Variants in PTPRD observed in about 807,000 individuals in gnomAD.
PTPRD encodes receptor-type tyrosine-protein phosphatase delta.
PTPRD carries 34 observed loss-of-function variants against 214.5 expected under a neutral mutation model. That is an observed-to-expected ratio of 0.16 (90% CI 0.12 to 0.21). PTPRD has a LOEUF of 0.21. Among genes scored for constraint, PTPRD ranks in the 10% least tolerant of loss-of-function variants. The pLI is 1.00. For missense variants in PTPRD, 2,545 were observed against 2,398.7 expected (o/e 1.06, Z -1.27); for synonymous variants, 1,128 against 845.7 (o/e 1.33, Z -5.79).
chr9:10,477,753 G>A (rs1228835962), intron 2 of PTPRD, among the ~76,000 whole-genome samples: 1 of 152,030 alleles, frequency 6.6e-6, no homozygotes, highest in Non-Finnish European at 1.5e-5. Context: ...GTGATACACT[G>A]GATAAAGATA....
At chr9:8,929,908 T>C (rs1219506866) in intron 11 of PTPRD, among the ~76,000 whole-genome samples, 28 of 44,560 alleles carry the variant, frequency 6.3e-4, no homozygotes, top group Middle Eastern at 0.011. Context: ...TGTGTATATA[T>C]ATGTGTGTGT....
chr9:9,171,791 G>A (rs907594001), intron 10 of PTPRD, among the ~76,000 whole-genome samples: 2 of 151,970 alleles, frequency 1.3e-5, no homozygotes, highest in East Asian at 1.9e-4. Flanking sequence ...TCTTGGCATG[G>A]ATTCTATAAT....
intron 9 of PTPRD, among the ~76,000 whole-genome samples, chr9:9,228,807 T>G (rs959520375): frequency 6.6e-6 from 1 of 152,122 alleles, no homozygotes; most frequent in Admixed American, 6.6e-5. Flanking sequence ...TTGTCTTGCC[T>G]TCGTTTTTTG....
At chr9:8,809,438 C>T (rs2154522049) in intron 11 of PTPRD, among the ~76,000 whole-genome samples, 1 of 152,208 alleles carries the variant, frequency 6.6e-6, no homozygotes, top group South Asian at 2.1e-4. Flanking sequence ...ACAGTGGAGC[C>T]AATAACCCAA....
At chr9:9,357,834 G>T (rs2054413640) in intron 9 of PTPRD, among the ~76,000 whole-genome samples, 1 of 149,630 alleles carries the variant, frequency 6.7e-6, no homozygotes, top group Non-Finnish European at 1.5e-5. Flanking sequence ...TTTATTGATT[G>T]GACTTGAGTC....
At chr9:8,542,913 A>G (rs1045587092) in intron 14 of PTPRD, among the ~76,000 whole-genome samples, 1 of 152,222 alleles carries the variant, frequency 6.6e-6, no homozygotes, top group Non-Finnish European at 1.5e-5. Context: ...TAATAGCTCA[A>G]TTCCTGCAAT....
chr9:9,328,835 A>C (rs2041183571), intron 9 of PTPRD, among the ~76,000 whole-genome samples: 1 of 150,570 alleles, frequency 6.6e-6, no homozygotes, highest in Non-Finnish European at 1.5e-5. Flanking sequence ...ACAGGGTTTC[A>C]CTATGTTGGC....
At chr9:10,400,587 C>A (rs1368207273) in intron 2 of PTPRD, among the ~76,000 whole-genome samples, 1 of 151,222 alleles carries the variant, frequency 6.6e-6, no homozygotes, top group Non-Finnish European at 1.5e-5. Flanking sequence ...TTCAGGCAAA[C>A]TAAAACATCA....
At chr9:8,871,763 T>C (rs2098303073) in intron 11 of PTPRD, among the ~76,000 whole-genome samples, 1 of 147,692 alleles carries the variant, frequency 6.8e-6, no homozygotes. Context: ...AAATTGATTT[T>C]ACCTTGGTAC....
At chr9:10,574,211 G>GTGTA (rs1239736033) in intron 2 of PTPRD, among the ~76,000 whole-genome samples, 4 of 151,784 alleles carry the variant, frequency 2.6e-5, no homozygotes, top group African/African-American at 4.8e-5. Flanking sequence ...GTGTGTGTGT[G>GTGTA]TGCGTGCATG....
In PTPRD at chr9:10,128,573, C is replaced by T. The variant is rs188764970; in HGVS notation, c.-544-94783G>A. ...CTAGGACTTTCAGCCTCCAGAACTG[C>T]GAGACCATAAATTTCTGTTGTTTAA... is the stretch of plus-strand genomic sequence containing the variant. On this transcript the variant is annotated intron_variant, in intron 3 of 45. Transcript: ENST00000381196. Among the ~76,000 whole-genome samples, 130 of 152,220 alleles carry T rather than the reference C, an allele frequency of 8.5e-4. 1 individual carries two copies. The highest frequency in any genetic ancestry group is 2.6e-3 in the African/African-American group (110 of 41,540).
intron 14 of PTPRD, among the ~76,000 whole-genome samples, chr9:8,562,077 C>T (rs889949155): frequency 6.6e-6 from 1 of 152,120 alleles, no homozygotes; most frequent in East Asian, 1.9e-4. Flanking sequence ...GTAACTGATA[C>T]ATTTGAAGCA....
At chr9:10,527,714 C>T (rs833427) in intron 2 of PTPRD, among the ~76,000 whole-genome samples, 150,985 of 152,248 alleles carry the variant, frequency 0.99, 74,879 homozygotes, top group East Asian at 1. Flanking sequence ...CTGATAATTC[C>T]GTTAACACTA....
intron 11 of PTPRD, among the ~76,000 whole-genome samples, chr9:8,949,658 C>G (rs1356003447): frequency 6.6e-6 from 1 of 152,076 alleles, no homozygotes; most frequent in African/African-American, 2.4e-5. Flanking sequence ...ATTATGACAT[C>G]TCATCCACAT....
chr9:9,237,277 A>C (rs2099967417), intron 9 of PTPRD, among the ~76,000 whole-genome samples: 2 of 152,108 alleles, frequency 1.3e-5, no homozygotes, highest in South Asian at 4.1e-4. Flanking sequence ...AAAAACAACT[A>C]ACCTTACCTG....
At chr9:10,310,671 A>G (rs531764244) in intron 3 of PTPRD, among the ~76,000 whole-genome samples, 44 of 152,230 alleles carry the variant, frequency 2.9e-4, no homozygotes, top group African/African-American at 1.1e-3. Flanking sequence ...AATGGACATT[A>G]AAGCTTTTGG....
intron 10 of PTPRD, among the ~76,000 whole-genome samples, chr9:9,092,343 C>T (rs1591480492): frequency 1.3e-5 from 2 of 152,038 alleles, no homozygotes; most frequent in Non-Finnish European, 2.9e-5. Context: ...TAAAGGTATG[C>T]TGTTTTCATT....
rs577128270 is a variant in PTPRD at position 10,597,209 on chromosome 9, C to A, written c.-600+15189G>T. ...TTAGGACATAAAAGGGTTCCAAAAA[C>A]AATTTCTCTCCAAAATATGTTACTT... On this transcript the variant is annotated intron_variant, in intron 2 of 45. Transcript: ENST00000381196. 7.3e-5 allele frequency among the ~76,000 whole-genome samples: 11 copies of A among 151,606 alleles called. No individual in the cohort carries two copies. In the South Asian group the frequency reaches 2.1e-3, roughly 29 times the overall value.
intron 2 of PTPRD, among the ~76,000 whole-genome samples, chr9:10,385,632 G>C (rs1452251896): frequency 1.3e-5 from 2 of 151,624 alleles, no homozygotes; most frequent in Non-Finnish European, 2.9e-5. Flanking sequence ...ACAGCTGTGT[G>C]GGCTTGAGCA....
Sources: gnomAD v4.1 joint callset for allele counts (sites outside exome capture counted in the v4.1 genomes callset) on GRCh38, gnomAD v4.1.1 for gene constraint, MANE v1.5 for transcripts, NCBI Gene and HGNC (gene_info 2026-07-23, HGNC 2026-07-21) for gene names.